The following PCMT1 variants were observed in gnomAD, a reference collection of about 807,000 sequenced individuals.
PCMT1 encodes the protein protein-L-isoaspartate(D-aspartate) O-methyltransferase.
PCMT1 carries 9 observed loss-of-function variants against 29.2 expected under a neutral mutation model. That is an observed-to-expected ratio of 0.31 (90% CI 0.19 to 0.54). The LOEUF (loss-of-function observed/expected upper bound fraction) is 0.54, where lower values mean the gene tolerates loss of function less well. PCMT1 is among the 20% of genes least tolerant of loss of function. The pLI is 0.95. For missense variants in PCMT1, 184 were observed against 282.2 expected, an observed-to-expected ratio of 0.65 and a Z score of 2.49; for synonymous variants, 98 against 97.5, an observed-to-expected ratio of 1.00 and a Z score of -0.03.
At chr6:149,771,509 T>C (rs890396284) in intron 2 of PCMT1, among the ~76,000 whole-genome samples, 1 of 152,190 alleles carries the variant, frequency 6.6e-6, no homozygotes, top group Non-Finnish European at 1.5e-5. Flanking sequence ...AATAAAATAT[T>C]TTAGTGAAAA....
intron 7 of PCMT1, among the ~76,000 whole-genome samples, chr6:149,805,256 T>A (rs1775972562): frequency 6.6e-6 from 1 of 152,090 alleles, no homozygotes. Flanking sequence ...TAGAATAATT[T>A]TTAAATTTAT....
At chr6:149,802,627 G>GTTT in intron 7 of PCMT1, 1 of 467,306 alleles carries the variant, frequency 2.1e-6, no homozygotes, top group Non-Finnish European at 3.1e-6. Context: ...TTGTTTGTTT[G>GTTT]TTTTTTTTTT....
At chr6:149,792,724 G>A (rs1788421757) in intron 4 of PCMT1, among the ~76,000 whole-genome samples, 1 of 152,112 alleles carries the variant, frequency 6.6e-6, no homozygotes, top group Admixed American at 6.5e-5. Flanking sequence ...TTGCCATGTT[G>A]CTCAGGCTGG....
intron 3 of PCMT1, among the ~76,000 whole-genome samples, chr6:149,783,426 C>T (rs972682360): frequency 6.6e-6 from 1 of 152,084 alleles, no homozygotes; most frequent in Non-Finnish European, 1.5e-5. Flanking sequence ...CCACCGCACC[C>T]GTCCCACATG....
intron 1 of PCMT1, among the ~76,000 whole-genome samples, chr6:149,769,281 G>GTAACT (rs1787211602): frequency 7.1e-6 from 1 of 141,684 alleles, no homozygotes; most frequent in South Asian, 2.2e-4. Flanking sequence ...GAGGAAAAGG[G>GTAACT]GAGTTAGCAC....
At chr6:149,786,508 A>G (rs1788092613) in intron 3 of PCMT1, among the ~76,000 whole-genome samples, 1 of 125,684 alleles carries the variant, frequency 8.0e-6, no homozygotes, top group Admixed American at 7.9e-5. Context: ...GGGGCTCCTC[A>G]CTTCTCAGAC....
At chr6:149,803,797 G>GAAAA in intron 7 of PCMT1, among the ~76,000 whole-genome samples, 1 of 109,912 alleles carries the variant, frequency 9.1e-6, no homozygotes, top group Non-Finnish European at 1.9e-5. Flanking sequence ...ACAGCCACTG[G>GAAAA]AAAAAAAAAA....
intron 1 of PCMT1, among the ~76,000 whole-genome samples, chr6:149,770,534 A>G (rs1787269584): frequency 6.6e-6 from 1 of 151,788 alleles, no homozygotes; most frequent in South Asian, 2.1e-4. Flanking sequence ...GTGAAACCCC[A>G]TCCCTACTAA....
rs1787400709 is a variant in PCMT1, at chr6:149,773,037, AATT to A, written c.161-97_161-95del. ...CTCAGAAAAAAAAAAAAAAAAAAAG[AATT>A]ATTGTGAAAAATAACGTATGGATGG... On this transcript the variant is annotated intron_variant, in intron 2 of 7. Coordinates refer to ENST00000464889, the MANE Select transcript of PCMT1 (RefSeq NM_001360452.2). 6 of 907,890 alleles carry A rather than the reference AATT, an allele frequency of 6.6e-6. No individual in the cohort carries two copies. In the South Asian group the frequency reaches 9.2e-5, roughly 14 times the overall value. The allele number at this position is 907,890 out of a possible 1,614,324, so 56.2% of individuals were successfully genotyped here. A position where few individuals can be genotyped will look rare whatever the true frequency, so the allele number is the denominator to read the frequency against.
intron 7 of PCMT1, among the ~76,000 whole-genome samples, chr6:149,810,300 G>A (rs1204045125): frequency 3.9e-5 from 6 of 152,150 alleles, no homozygotes; most frequent in East Asian, 1.9e-4. Context: ...TTACTATAGT[G>A]TAAAGATGAC....
intron 1 of PCMT1, among the ~76,000 whole-genome samples, chr6:149,762,544 CTATGATATATATA>C (rs1412646689): frequency 1.0e-4 from 1 of 9,542 alleles, no homozygotes; most frequent in Non-Finnish European, 1.4e-4. Context: ...ATATATATAT[CTATGATATATATA>C]TATCTATGAT....
Position 149,762,719 on chromosome 6 carries a change from GATATATATATCTATGAT to G in PCMT1, c.56-8418_56-8402del, listed in dbSNP as rs1466677705. On this transcript the variant is annotated intron_variant, in intron 1 of 7. Coordinates refer to ENST00000464889, the MANE Select transcript of PCMT1 (RefSeq NM_001360452.2). ...ATATATCTATGATATATATATCTAT[GATATATATATCTATGAT>G]ATATATATATCTATGATATATATAC... Among the ~76,000 whole-genome samples, 28 of 34,050 alleles carry G rather than the reference GATATATATATCTATGAT, an allele frequency of 8.2e-4. 4 individuals carry two copies. Among genetic ancestry groups the G allele is most frequent in the Non-Finnish European group, 9.4e-4 (24 of 25,498 alleles). 22.3% of individuals were successfully genotyped at this position (34,050 alleles called of 152,430 possible).
intron 2 of PCMT1, 55 bp downstream of exon 2, chr6:149,771,321 T>C: frequency 8.8e-7 from 1 of 1,137,330 alleles, no homozygotes; most frequent in East Asian, 2.4e-5. Flanking sequence ...TTTATGATTT[T>C]TGGAAGTAGA....
chr6:149,801,308 G>C (rs1775820180), intron 6 of PCMT1, among the ~76,000 whole-genome samples: 1 of 152,142 alleles, frequency 6.6e-6, no homozygotes, highest in South Asian at 2.1e-4. Context: ...ATAAAGTTGT[G>C]ATTGCATTTT....
At chr6:149,772,716 T>C in intron 2 of PCMT1, 1 of 397,396 alleles carries the variant, frequency 2.5e-6, no homozygotes, top group South Asian at 1.8e-5. Context: ...TCATAAAAAC[T>C]AAAAAAGAAT....
intron 1 of PCMT1, among the ~76,000 whole-genome samples, chr6:149,754,914 G>A (rs1786453821): frequency 6.6e-6 from 1 of 152,126 alleles, no homozygotes; most frequent in Admixed American, 6.5e-5. Flanking sequence ...AATGGTGCTG[G>A]CATGTAATGA....
rs1161672100 is a variant in PCMT1, at chr6:149,796,152, A to T, written c.419-263A>T. 3.5e-5 allele frequency: 10 copies of T among 284,328 alleles called. No individual in the cohort carries two copies. In the East Asian group the frequency reaches 6.6e-4, roughly 19 times the overall value. 17.6% of individuals were successfully genotyped at this position (284,328 alleles called of 1,614,324 possible). On this transcript the variant is annotated intron_variant, in intron 5 of 7. Coordinates refer to ENST00000464889, the MANE Select transcript of PCMT1 (RefSeq NM_001360452.2). ...AGTTCAAAAAAAAGAGTTGTGAGAT[A>T]GGAAAATGAAGCGCTTTTCATTTAC...
intron 2 of PCMT1, chr6:149,772,180 C>T (rs1787355289): frequency 2.3e-6 from 1 of 432,326 alleles, no homozygotes; most frequent in Admixed American, 2.7e-5. Context: ...TCCTGGGGAG[C>T]TTCTGAACCC....
intron 3 of PCMT1, among the ~76,000 whole-genome samples, chr6:149,784,405 A>T (rs1428856076): frequency 5.9e-5 from 9 of 152,228 alleles, no homozygotes; most frequent in Non-Finnish European, 1.5e-5. Flanking sequence ...AAAATAGTAT[A>T]ATGAACCTAT....
Sources: gnomAD v4.1 joint callset for allele counts (sites outside exome capture counted in the v4.1 genomes callset) on GRCh38, gnomAD v4.1.1 for gene constraint, MANE v1.5 for transcripts, NCBI Gene and HGNC (gene_info 2026-07-23, HGNC 2026-07-21) for gene names.